The following ZACN variants were observed in gnomAD, a reference collection of about 807,000 sequenced individuals.
ZACN encodes the protein ligand-gated cation channel ZACN.
In ZACN, 52 loss-of-function variants were observed where a neutral mutation model predicts 38.9. The ratio of observed to expected loss-of-function variants is 1.34; its 90% CI spans 1.07 to 1.68. The LOEUF is 1.68. Ranked by LOEUF, ZACN falls within the 40% of genes most tolerant of loss-of-function variation. The pLI, the probability that ZACN is intolerant of heterozygous loss-of-function variation, is 0.00. For synonymous variants in ZACN, 235 were observed against 227.4 expected, an observed-to-expected ratio of 1.03 and a Z score of -0.30; for missense variants, 559 against 525.6, an observed-to-expected ratio of 1.06 and a Z score of -0.62.
chr17:76,079,521 G>C lies in ZACN; in HGVS notation c.180G>C (p.Leu60=). Residue 60 remains leucine (L), a synonymous_variant, in exon 2 of 9, where the codon CTG becomes CTC. Transcript: ENST00000334586. The part of the protein sequence containing the change: ...IQIPNNGSAP[L]LVDVRVFVSN... ...TCCCGAACAATGGGAGTGCGCCCCTGCTCGTGGATGTGCGGGTGTTTGTCT... is the reference window on the plus strand; with the variant it reads ...TCCCGAACAATGGGAGTGCGCCCCTCCTCGTGGATGTGCGGGTGTTTGTCT... The C allele has an allele frequency of 6.2e-7, 1 of 1,614,200 alleles. No homozygotes were observed. Among genetic ancestry groups the C allele is most frequent in the Non-Finnish European group, 8.5e-7 (1 of 1,180,028 alleles).
intron 4 of ZACN, 102 bp downstream of exon 4, chr17:76,080,096 G>A (rs368641609): frequency 9.1e-5 from 134 of 1,466,908 alleles, no homozygotes; most frequent in African/African-American, 7.3e-4. Flanking sequence ...CCCTCCTGGC[G>A]GTCCCCGCCG....
Position 76,079,760 on chromosome 17 carries a change from C to G in ZACN, c.267+14C>G. ...CTGCTTAGGCTGGTGAGCTCCTATG[C>G]CTGGGGAGGTGGGATGGGAAAGCCC... On this transcript the variant is annotated intron_variant, in intron 3 of 8. Coordinates refer to ENST00000334586, the MANE Select transcript of ZACN (RefSeq NM_180990.4). 2 of 1,612,654 alleles carry G rather than the reference C, an allele frequency of 1.2e-6. No homozygotes were observed. The highest frequency in any genetic ancestry group is 1.7e-6 in the Non-Finnish European group (2 of 1,179,226).
intron 5 of ZACN, chr17:76,080,670 GCCCCTCTCTAGGGTGACAGAC>G: frequency 1.5e-6 from 1 of 657,306 alleles, no homozygotes; most frequent in Non-Finnish European, 2.8e-6. Flanking sequence ...TAGCCTCAGG[GCCCCTCTCTAGGGTGACAGAC>G]TCAAACATTC....
At chr17:76,082,393 G>T in intron 8 of ZACN, 70 bp from the exon 9 acceptor site, 2 of 1,452,446 alleles carry the variant, frequency 1.4e-6, no homozygotes, top group South Asian at 1.4e-5. Context: ...ATGACCCCTG[G>T]GGTTCGCTCT....
At position 76,082,574 on chromosome 17, in the gene ZACN, G is replaced by T; in HGVS notation, c.1160G>T (p.Gly387Val). The stretch of plus-strand genomic sequence containing the variant: ...CTGTGCACCCAATTCGTCTTTGCAG[G>T]AATCTGGATGTGGGCAGCGTGCAAG... The part of the protein sequence containing the change: ...GVLCTQFVFA[G>V]IWMWAACKSD... Residue 387 changes from glycine (G) to valine (V), a missense_variant, in exon 9 of 9, where the codon GGA becomes GTA. Gly to Val is a moderately radical substitution (Grantham distance 109). Coordinates refer to ENST00000334586, the MANE Select transcript of ZACN (RefSeq NM_180990.4). 6.2e-7 allele frequency: 1 copy of T among 1,613,726 alleles called. No homozygotes were observed.
In ZACN at chr17:76,081,581, G is replaced by A. The variant is rs370429794; in HGVS notation, c.706G>A (p.Ala236Thr). The A allele has an allele frequency of 6.2e-6, 10 of 1,613,686 alleles. No homozygotes were observed. In the African/African-American group the frequency reaches 9.3e-5, roughly 15 times the overall value. ...GAACACGGCGCTCAAGTCCATCATC[G>A]CTCTCTTGGTGCCTGCAGAGGCACT... ...LKNTALKSII[A>T]LLVPAEALLL... is the part of the protein sequence containing the mutation. The change falls in exon 7 of 9, where the codon GCT (alanine) becomes ACT (threonine). Residue 236 changes from alanine to threonine, a missense_variant. Ala to Thr is a moderately conservative substitution (Grantham distance 58). Transcript: ENST00000334586.
At position 76,079,687 on chromosome 17, in the gene ZACN, T is replaced by C. The variant is rs374179633; in HGVS notation, c.223-15T>C. The C allele has an allele frequency of 8.7e-6, 14 of 1,612,824 alleles. No homozygotes were observed. The highest frequency in any genetic ancestry group is 2.7e-5 in the African/African-American group (2 of 74,936). ...ACAGCGCTCACCCTGAGGTGATGCATTGCCCTTCCCCCAGGACATCCTGCG... is the reference window on the plus strand; with the variant it reads ...ACAGCGCTCACCCTGAGGTGATGCACTGCCCTTCCCCCAGGACATCCTGCG... On this transcript the variant is annotated splice_polypyrimidine_tract_variant and intron_variant, in intron 2 of 8. Coordinates refer to ENST00000334586, the MANE Select transcript of ZACN (RefSeq NM_180990.4).
chr17:76,082,500 G>T lies in ZACN; in HGVS notation c.1086G>T (p.Trp362Cys). ...GAGTAAAGGGGTCACAGAGAAGCTGGCCTGAGACTGCTGACCGCATCTTCT... is the reference window on the plus strand; with the variant it reads ...GAGTAAAGGGGTCACAGAGAAGCTGTCCTGAGACTGCTGACCGCATCTTCT... ...SRGVKGSQRS[W>C]PETADRIFFL... Residue 362 changes from tryptophan to cysteine, a missense_variant, in exon 9 of 9, where the codon TGG (tryptophan) becomes TGT (cysteine). By Grantham distance (215) the Trp-to-Cys change is radical (BLOSUM62 -2). Coordinates refer to ENST00000334586, the MANE Select transcript of ZACN (RefSeq NM_180990.4). 6.2e-7 allele frequency: 1 copy of T among 1,613,586 alleles called. No individual in the cohort carries two copies. The highest frequency in any genetic ancestry group is 8.5e-7 in the Non-Finnish European group (1 of 1,179,816).
Position 76,082,524 on chromosome 17 carries a change from C to T in ZACN, c.1110C>T (p.Phe370=), listed in dbSNP as rs755108612. The T allele has an allele frequency of 1.3e-5, 21 of 1,613,764 alleles. No homozygotes were observed. The highest frequency in any genetic ancestry group is 2.2e-5 in the East Asian group (1 of 44,892). The stretch of plus-strand genomic sequence containing the variant: ...GGCCTGAGACTGCTGACCGCATCTT[C>T]TTCCTCGTGTATGTGGTTGGGGTGC... The part of the protein sequence containing the change: ...RSWPETADRI[F]FLVYVVGVLC... Residue 370 remains phenylalanine (F), a synonymous_variant, in exon 9 of 9, where the codon TTC becomes TTT. Coordinates refer to ENST00000334586, the MANE Select transcript of ZACN (RefSeq NM_180990.4).
At position 76,079,939 on chromosome 17, in the gene ZACN, G is replaced by A. The variant is rs144683704; in HGVS notation, c.319G>A (p.Ala107Thr). ...AWNTSAHPRH[A>T]ITLPWESLWT... ...GAACACTAGTGCACACCCGCGGCAC[G>A]CCATCACGCTGCCCTGGGAGTCTCT... The change falls in exon 4 of 9, where the codon GCC (alanine) becomes ACC (threonine). Residue 107 changes from alanine (A) to threonine (T), a missense_variant. Ala to Thr is a moderately conservative substitution (Grantham distance 58). Coordinates refer to ENST00000334586, the MANE Select transcript of ZACN (RefSeq NM_180990.4). 6,429 of 1,600,632 alleles carry A rather than the reference G, an allele frequency of 4.0e-3. 48 individuals carry two copies. The highest frequency in any genetic ancestry group is 7.5e-3 in the Middle Eastern group (43 of 5,730).
At chr17:76,080,086 C>T in intron 4 of ZACN, 92 bp downstream of exon 4, 1 of 1,479,110 alleles carries the variant, frequency 6.8e-7, no homozygotes, top group Non-Finnish European at 9.1e-7. Context: ...GTGAATATGA[C>T]CCTCCTGGCG....
chr17:76,080,671 C>T (rs1352013573), intron 5 of ZACN: 9 of 654,520 alleles, frequency 1.4e-5, no homozygotes, highest in Non-Finnish European at 1.4e-5. Flanking sequence ...AGCCTCAGGG[C>T]CCCTCTCTAG....
In ZACN at chr17:76,080,452, TGAG is replaced by T; in HGVS notation, c.544+33_544+35del. 3 of 1,607,236 alleles carry T rather than the reference TGAG, an allele frequency of 1.9e-6. No homozygotes were observed. The South Asian group carries it at 3.3e-5, about 18-fold the overall frequency. ...GCTGACAGGGCAGGGGCTGCAGGGT[TGAG>T]GAGGGGAGGAGGAAGGTGGGGGAGG... On this transcript the variant is annotated intron_variant, in intron 5 of 8. Transcript: ENST00000334586.
At chr17:76,080,628 C>T (rs1316717514) in intron 5 of ZACN, 1 of 747,060 alleles carries the variant, frequency 1.3e-6, no homozygotes, top group Non-Finnish European at 2.3e-6. Flanking sequence ...GCGCCCCCCA[C>T]TCGAGTGGCA....
In ZACN at chr17:76,081,536, C is replaced by T. The variant is rs201124965; in HGVS notation, c.670-9C>T. 1.4e-5 allele frequency: 23 copies of T among 1,613,038 alleles called. No individual in the cohort carries two copies. The South Asian group carries it at 2.2e-4, about 15-fold the overall frequency. On this transcript the variant is annotated splice_polypyrimidine_tract_variant and intron_variant, in intron 6 of 8. Transcript: ENST00000334586. ...CCCGCCGGGAAGGCCCTGACTTTTC[C>T]CCTTCCAGCTGAGGCTGAAGAACAC...
rs1416503712 is a variant in ZACN at position 76,081,977 on chromosome 17, A to C, written c.976A>C (p.Lys326Gln). The change falls in exon 8 of 9, where the codon AAG (lysine) becomes CAG (glutamine). Residue 326 changes from lysine (K) to glutamine (Q), a missense_variant. Physicochemically the swap from Lys to Gln is moderately conservative, Grantham distance 53. Coordinates refer to ENST00000334586, the MANE Select transcript of ZACN (RefSeq NM_180990.4). ...GLLARGNLGA[K>Q]SGPSPAPRGE... Reference sequence around the variant, plus strand: ...GCTGGCCCGGGGCAACCTTGGGGCCAAGAGCGGCCCCAGCCCAGCCCCGAG... The same window carrying C: ...GCTGGCCCGGGGCAACCTTGGGGCCCAGAGCGGCCCCAGCCCAGCCCCGAG... The C allele has an allele frequency of 6.2e-7, 1 of 1,612,460 alleles. No individual in the cohort carries two copies. Among genetic ancestry groups the C allele is most frequent in the East Asian group, 2.2e-5 (1 of 44,872 alleles).
At chr17:76,081,462 G>C (rs1410033984) in intron 6 of ZACN, 60 bp downstream of exon 6, 7 of 1,611,056 alleles carry the variant, frequency 4.3e-6, no homozygotes, top group South Asian at 1.1e-5. Flanking sequence ...GAGTGAGGAT[G>C]CACGGCCAGA....
intron 4 of ZACN, 61 bp from the exon 5 acceptor site, chr17:76,080,194 T>C: frequency 2.0e-6 from 3 of 1,537,252 alleles, no homozygotes; most frequent in Non-Finnish European, 2.6e-6. Flanking sequence ...GATGCCAGGG[T>C]CTCCCCCCGG....
Position 76,080,318 on chromosome 17 carries a change from G to C in ZACN, c.438G>C (p.Lys146Asn), listed in dbSNP as rs751964565. ...GAGTAGACCAGGACGGCCACGTGAA[G>C]CTCAACCTGGCCCTCGCCACGGAGA... ...QARVDQDGHV[K>N]LNLALATETN... is the part of the protein sequence containing the mutation. The change falls in exon 5 of 9, where the codon AAG (lysine) becomes AAC (asparagine). Residue 146 changes from lysine (K) to asparagine (N), a missense_variant. Coordinates refer to ENST00000334586, the MANE Select transcript of ZACN (RefSeq NM_180990.4). 5 of 1,613,780 alleles carry C rather than the reference G, an allele frequency of 3.1e-6. No homozygotes were observed. Among genetic ancestry groups the C allele is most frequent in the Non-Finnish European group, 4.2e-6 (5 of 1,179,894 alleles).
Sources: gnomAD v4.1 joint callset for allele counts on GRCh38, gnomAD v4.1.1 for gene constraint, MANE v1.5 for transcripts, NCBI Gene and HGNC (gene_info 2026-07-23, HGNC 2026-07-21) for gene names.